Variants in DAB2IP observed in about 807,000 individuals in gnomAD.
The protein encoded by DAB2IP is DAB2 interacting protein.
DAB2IP carries 28 observed loss-of-function variants against 107.2 expected under a neutral mutation model. The observed-to-expected ratio is 0.26, with a 90% confidence interval of 0.19 to 0.36. The LOEUF is 0.36. Among genes scored for constraint, DAB2IP ranks in the 10% least tolerant of loss-of-function variants. The probability of loss-of-function intolerance (pLI) is 1.00; values close to 1 mark genes in which losing one functional copy is unlikely to be tolerated. For missense variants in DAB2IP, 1,400 were observed against 1,644.7 expected (o/e 0.85, Z 2.57); for synonymous variants, 755 against 706.4 (o/e 1.07, Z -1.09).
chr9:121,722,242 G>A (rs952306026), intron 3 of DAB2IP, among the ~76,000 whole-genome samples: 3 of 152,150 alleles, frequency 2.0e-5, no homozygotes, highest in African/African-American at 7.2e-5. Flanking sequence ...TCAGGTTCTG[G>A]GCTGGGCCAG....
At chr9:121,603,036 G>C (rs376575636) in intron 1 of DAB2IP, among the ~76,000 whole-genome samples, 2 of 152,344 alleles carry the variant, frequency 1.3e-5, no homozygotes, top group African/African-American at 4.8e-5. Flanking sequence ...CCAGAGTGGT[G>C]AGGACCCTGG....
intron 13 of DAB2IP, 79 bp downstream of exon 13, chr9:121,774,491 C>T (rs989587579): frequency 7.7e-5 from 112 of 1,448,366 alleles, no homozygotes; most frequent in Non-Finnish European, 9.9e-5. Flanking sequence ...TCCCCCAGGT[C>T]CCCCAGCAAC....
At chr9:121,758,099 G>A (rs1403567888) in intron 4 of DAB2IP, among the ~76,000 whole-genome samples, 3 of 152,246 alleles carry the variant, frequency 2.0e-5, no homozygotes, top group Non-Finnish European at 4.4e-5. Flanking sequence ...CCTGTCTGCT[G>A]GTTCACAGCA....
exon 16 of DAB2IP, chr9:121,783,862 T>TCGGCCCCTGTCTGTTCC (rs1403345728): frequency 6.8e-6 from 3 of 440,612 alleles, no homozygotes; most frequent in Middle Eastern, 6.2e-4. Flanking sequence ...TGGGTCTCTC[T>TCGGCCCCTGTCTGTTCC]CGGCCCCTGT....
At chr9:121,655,254 A>G (rs960555088) in intron 1 of DAB2IP, among the ~76,000 whole-genome samples, 9 of 151,952 alleles carry the variant, frequency 5.9e-5, no homozygotes, top group African/African-American at 2.2e-4. Flanking sequence ...ATTTGGGGGG[A>G]TCCTTTCCCC....
At chr9:121,744,510 G>C (rs1589625618) in intron 3 of DAB2IP, among the ~76,000 whole-genome samples, 1 of 152,236 alleles carries the variant, frequency 6.6e-6, no homozygotes, top group African/African-American at 2.4e-5. Context: ...GAGACTGCCT[G>C]CCAGTAGGTG....
intron 1 of DAB2IP, among the ~76,000 whole-genome samples, chr9:121,572,243 G>A (rs530770643): frequency 2.2e-4 from 34 of 152,174 alleles, no homozygotes; most frequent in African/African-American, 7.2e-4. Context: ...TGCTTCCTCC[G>A]CCTGGGTGTG....
At chr9:121,768,329 C>T in intron 9 of DAB2IP, 103 bp from the exon 10 acceptor site, 1 of 1,245,372 alleles carries the variant, frequency 8.0e-7, no homozygotes, top group Non-Finnish European at 1.2e-6. Context: ...GGAGTGGGAG[C>T]CTGCCATAGT....
Position 121,699,119 on chromosome 9 carries a change from G to T in DAB2IP, c.229-206G>T, listed in dbSNP as rs1450551832. On this transcript the variant is annotated intron_variant, in intron 2 of 15. Transcript: ENST00000408936. The surrounding 1 kb of genome is among the most constrained non-coding windows in gnomAD (Gnocchi z 6.2). ...GGGGGCGACGTGGCGGGCGGGGTGG[G>T]CTGGGCCGCGCTGCGCGGGCCGGGC... Among the ~76,000 whole-genome samples, 1 of 146,014 alleles carries T rather than the reference G, an allele frequency of 6.8e-6. No individual in the cohort carries two copies. Among genetic ancestry groups the T allele is most frequent in the African/African-American group, 2.5e-5 (1 of 40,802 alleles).
intron 3 of DAB2IP, among the ~76,000 whole-genome samples, chr9:121,738,908 A>G (rs1360334986): frequency 2.0e-5 from 3 of 152,250 alleles, no homozygotes; most frequent in South Asian, 2.1e-4. Context: ...TTGTGATGGG[A>G]GAGGCAGATA....
intron 3 of DAB2IP, among the ~76,000 whole-genome samples, chr9:121,703,853 G>T (rs1284115534): frequency 1.3e-5 from 2 of 152,178 alleles, no homozygotes; most frequent in Non-Finnish European, 2.9e-5. Flanking sequence ...AGGTTCAAGA[G>T]ATAATAGATG....
chr9:121,673,555 A>G (rs1011613689), intron 1 of DAB2IP, among the ~76,000 whole-genome samples: 2 of 152,250 alleles, frequency 1.3e-5, no homozygotes, highest in African/African-American at 4.8e-5. Context: ...GTATACACAC[A>G]GTACATAAAA....
At chr9:121,644,452 C>A (rs1210850390) in intron 1 of DAB2IP, among the ~76,000 whole-genome samples, 1 of 151,968 alleles carries the variant, frequency 6.6e-6, no homozygotes, top group Non-Finnish European at 1.5e-5. Context: ...CAAAAATTAG[C>A]CAGGCGTGGT....
chr9:121,775,184 G>A (rs982150208), intron 13 of DAB2IP, among the ~76,000 whole-genome samples: 7 of 152,126 alleles, frequency 4.6e-5, no homozygotes, highest in African/African-American at 1.7e-4. Context: ...GCCCCAGAAC[G>A]GCAGGCGCTT....
chr9:121,616,648 T>C (rs915198059), intron 1 of DAB2IP, among the ~76,000 whole-genome samples: 3 of 152,166 alleles, frequency 2.0e-5, no homozygotes, highest in African/African-American at 7.2e-5. Flanking sequence ...TGGGGCGGGT[T>C]TGCTGAAGGG....
chr9:121,608,539 T>C (rs1830967880), intron 1 of DAB2IP, among the ~76,000 whole-genome samples: 1 of 150,940 alleles, frequency 6.6e-6, no homozygotes, highest in Non-Finnish European at 1.5e-5. Context: ...GGAGCAGGAG[T>C]TGGGGGGGTA....
chr9:121,776,443 C>A lies in DAB2IP; in HGVS notation c.3314+52C>A. 6.9e-7 allele frequency: 1 copy of A among 1,458,690 alleles called. No homozygotes were observed. Among genetic ancestry groups the A allele is most frequent in the Non-Finnish European group, 9.1e-7 (1 of 1,103,914 alleles). 90.4% of individuals were successfully genotyped at this position (1,458,690 alleles called of 1,614,324 possible). A position where few individuals can be genotyped will look rare whatever the true frequency, so the allele number is the denominator to read the frequency against. ...CCACAGGCACAGGCAGGGCAGCCAT[C>A]GCTGCCTTCGAGGAGGCCCCTGGTC... On this transcript the variant is annotated intron_variant, in intron 14 of 15. Coordinates refer to ENST00000408936, the Ensembl canonical transcript of DAB2IP. This position sits in a 1 kb window ranked among gnomAD's most constrained non-coding sequence, Gnocchi z 5.4.
intron 1 of DAB2IP, among the ~76,000 whole-genome samples, chr9:121,641,938 TC>T (rs1224722518): frequency 2.4e-5 from 3 of 124,290 alleles, no homozygotes; most frequent in African/African-American, 3.8e-5. Context: ...TCTTTCTTTC[TC>T]TCTTTCTTTC....
At chr9:121,645,640 T>A in intron 1 of DAB2IP, among the ~76,000 whole-genome samples, 1 of 152,036 alleles carries the variant, frequency 6.6e-6, no homozygotes, top group African/African-American at 2.4e-5. Flanking sequence ...AGACCCTCAG[T>A]GATTGCAGAG....
Sources: allele counts gnomAD v4.1 joint callset (sites outside exome capture counted in the v4.1 genomes callset), GRCh38; gene constraint gnomAD v4.1.1; non-coding constraint Gnocchi (gnomAD v3.1); transcripts MANE v1.5; gene names NCBI Gene and HGNC (gene_info 2026-07-23, HGNC 2026-07-21).